Variants in MCC observed in about 807,000 individuals in gnomAD.
The protein encoded by MCC is colorectal mutant cancer protein.
MCC carries 90 observed loss-of-function variants against 116.2 expected under a neutral mutation model. The observed-to-expected ratio is 0.77, with a 90% CI of 0.65 to 0.92. MCC has a LOEUF of 0.92. Among genes scored for constraint, MCC ranks in the 40% least tolerant of loss-of-function variants. The pLI is 0.00. For missense variants in MCC, 1,516 were observed against 1,312.2 expected (o/e 1.16, Z -2.40); for synonymous variants, 578 against 510.5 (o/e 1.13, Z -1.78).
At chr5:113,457,397 G>A (rs1228002161) in intron 1 of MCC, among the ~76,000 whole-genome samples, 4 of 152,244 alleles carry the variant, frequency 2.6e-5, no homozygotes, top group Non-Finnish European at 5.9e-5. Flanking sequence ...CAGGCCTCGG[G>A]ACTGCAGCCT....
At chr5:113,367,908 G>C (rs963815148) in intron 2 of MCC, among the ~76,000 whole-genome samples, 1 of 152,064 alleles carries the variant, frequency 6.6e-6, no homozygotes. Flanking sequence ...CTGCAACCTT[G>C]CTTATCTCCT....
At chr5:113,095,790 C>CT (rs1264369612) in intron 8 of MCC, among the ~76,000 whole-genome samples, 1 of 152,056 alleles carries the variant, frequency 6.6e-6, no homozygotes, top group Non-Finnish European at 1.5e-5. Context: ...TTAGAGGTAT[C>CT]TGATTTTAAT....
chr5:113,130,122 TG>T (rs1758335129), intron 5 of MCC, among the ~76,000 whole-genome samples: 1 of 152,210 alleles, frequency 6.6e-6, no homozygotes, highest in Non-Finnish European at 1.5e-5. Context: ...AAAAAAAATG[TG>T]GCACATATAT....
chr5:113,174,585 T>A (rs373926363), intron 3 of MCC, among the ~76,000 whole-genome samples: 1 of 151,896 alleles, frequency 6.6e-6, no homozygotes, highest in Admixed American at 6.6e-5. Context: ...CCACGACATA[T>A]AGTTAAAAAA....
At chr5:113,182,046 G>A (rs982285027) in intron 3 of MCC, among the ~76,000 whole-genome samples, 16 of 152,126 alleles carry the variant, frequency 1.1e-4, no homozygotes, top group African/African-American at 2.4e-4. Context: ...CTGTCAGCTC[G>A]GTGGGTTTAG....
rs551431588 is a variant in MCC, at chr5:113,036,830, T to C, written c.2756+6700A>G. 2.6e-5 allele frequency among the ~76,000 whole-genome samples: 4 copies of C among 152,252 alleles called. No individual in the cohort carries two copies. The East Asian group carries it at 7.7e-4, about 29-fold the overall frequency. ...AATTACTCAAGCAACAACCCCTCCA[T>C]CCCTTGAGTGAGCCTCAGTCTTCAC... On this transcript the variant is annotated intron_variant, in intron 17 of 18. Transcript: ENST00000408903.
At position 113,250,537 on chromosome 5, in the gene MCC, A is replaced by G. The variant is rs142391742; in HGVS notation, c.627+89982T>C. Among the ~76,000 whole-genome samples, 8 of 152,302 alleles carry G rather than the reference A, an allele frequency of 5.3e-5. No homozygotes were observed. The East Asian group carries it at 1.5e-3, about 29-fold the overall frequency. On this transcript the variant is annotated intron_variant, in intron 3 of 18. Coordinates refer to ENST00000408903, the MANE Select transcript of MCC (RefSeq NM_001085377.2). ...TTCCTTCACAGAGACATGTGCCTTT[A>G]TAAATAATTGTTTTTAAAAAGTTAC... is the stretch of plus-strand genomic sequence containing the variant.
At chr5:113,244,302 T>C (rs1581308430) in intron 3 of MCC, among the ~76,000 whole-genome samples, 1 of 152,018 alleles carries the variant, frequency 6.6e-6, no homozygotes, top group African/African-American at 2.4e-5. Context: ...GTAAAATAAA[T>C]ACAGTTAAAT....
chr5:113,376,027 C>G (rs1768972009), intron 2 of MCC, among the ~76,000 whole-genome samples: 1 of 152,088 alleles, frequency 6.6e-6, no homozygotes, highest in Admixed American at 6.6e-5. Flanking sequence ...ACTCAGTGTT[C>G]TGGTGTTTTC....
intron 3 of MCC, among the ~76,000 whole-genome samples, chr5:113,195,115 G>A (rs969904950): frequency 3.3e-5 from 5 of 152,146 alleles, no homozygotes; most frequent in Non-Finnish European, 5.9e-5. Flanking sequence ...TTGTTGAAGG[G>A]AACAGTAAAG....
chr5:113,163,562 A>G (rs1760618010), intron 3 of MCC, among the ~76,000 whole-genome samples: 1 of 151,666 alleles, frequency 6.6e-6, no homozygotes, highest in Non-Finnish European at 1.5e-5. Flanking sequence ...TTGTTGACTC[A>G]CTGCCCCCAT....
intron 12 of MCC, among the ~76,000 whole-genome samples, chr5:113,068,459 G>T (rs537627086): frequency 1.3e-5 from 2 of 152,224 alleles, no homozygotes; most frequent in African/African-American, 4.8e-5. Flanking sequence ...GTGACCACCT[G>T]AAAGGACCAT....
chr5:113,286,456 A>G (rs570467021), intron 3 of MCC, among the ~76,000 whole-genome samples: 24 of 152,206 alleles, frequency 1.6e-4, no homozygotes, highest in Non-Finnish European at 3.2e-4. Context: ...TTGAGGTTTC[A>G]TGAAACTTTC....
At chr5:113,409,320 C>T (rs934927393) in intron 1 of MCC, among the ~76,000 whole-genome samples, 11 of 152,124 alleles carry the variant, frequency 7.2e-5, no homozygotes, top group African/African-American at 1.4e-4. Flanking sequence ...ACAACAAAAA[C>T]GCAACATCCA....
intron 1 of MCC, among the ~76,000 whole-genome samples, chr5:113,446,936 C>G (rs1771237807): frequency 6.6e-6 from 1 of 152,070 alleles, no homozygotes; most frequent in Non-Finnish European, 1.5e-5. Flanking sequence ...CATGTACCCC[C>G]TGAATCTAAA....
intron 3 of MCC, among the ~76,000 whole-genome samples, chr5:113,245,542 T>C (rs1422890598): frequency 2.6e-4 from 40 of 152,056 alleles, no homozygotes; most frequent in Non-Finnish European, 1.5e-5. Context: ...ACCAAGGACA[T>C]AAGGCCAAGA....
intron 12 of MCC, among the ~76,000 whole-genome samples, chr5:113,068,513 C>A (rs972393053): frequency 6.6e-6 from 1 of 152,226 alleles, no homozygotes; most frequent in Non-Finnish European, 1.5e-5. Flanking sequence ...CCCGCTGAGC[C>A]GGCACCCTGG....
intron 2 of MCC, among the ~76,000 whole-genome samples, chr5:113,382,980 G>T (rs1769161144): frequency 6.6e-6 from 1 of 152,078 alleles, no homozygotes; most frequent in Admixed American, 6.6e-5. Flanking sequence ...TTTCCCAAGG[G>T]TATAAGGTTA....
intron 8 of MCC, 49 bp from the exon 9 acceptor site, chr5:113,085,359 G>T: frequency 6.5e-7 from 1 of 1,548,432 alleles, no homozygotes; most frequent in South Asian, 1.2e-5. Context: ...CCTGGCTAAA[G>T]AGCAAAACAG....
Sources: allele counts gnomAD v4.1 joint callset (sites outside exome capture counted in the v4.1 genomes callset), GRCh38; gene constraint gnomAD v4.1.1; transcripts MANE v1.5; gene names NCBI Gene and HGNC (gene_info 2026-07-23, HGNC 2026-07-21).